Variants in CNBD1 observed in about 807,000 individuals in gnomAD.
CNBD1 encodes cyclic nucleotide binding domain containing 1.
CNBD1 carries 71 observed loss-of-function variants against 54.4 expected under a neutral mutation model. The observed-to-expected ratio is 1.30, with a 90% confidence interval of 1.08 to 1.59. CNBD1 has a LOEUF of 1.59. Among genes scored for constraint, CNBD1 ranks in the 40% most tolerant of loss-of-function variants. The pLI is 0.00. For missense variants in CNBD1, 659 were observed against 518.0 expected, an observed-to-expected ratio of 1.27 and a Z score of -2.64; for synonymous variants, 182 against 170.7, an observed-to-expected ratio of 1.07 and a Z score of -0.51.
chr8:87,011,763 A>G (rs56397116), intron 4 of CNBD1, among the ~76,000 whole-genome samples: 2,303 of 152,264 alleles, frequency 0.015, 49 homozygotes, highest in African/African-American at 0.051. Context: ...ACAGTACACT[A>G]ATTTAAAAAA....
At chr8:87,123,661 A>C (rs1811933569) in intron 4 of CNBD1, among the ~76,000 whole-genome samples, 1 of 151,794 alleles carries the variant, frequency 6.6e-6, no homozygotes, top group East Asian at 1.9e-4. Context: ...AGAAAATAGT[A>C]AAAACCAGAG....
rs539870754 is a variant in CNBD1, at chr8:87,400,264, C to A, written c.214-28282C>A. Among the ~76,000 whole-genome samples the A allele has an allele frequency of 9.2e-4, 140 of 152,050 alleles. 1 individual carries two copies. The highest frequency in any genetic ancestry group is 3.3e-3 in the African/African-American group (137 of 41,524). On this transcript the variant is annotated intron_variant, in intron 2 of 7. Transcript: ENST00000521593. ...TTGCCATTACTTTTAATGGCAATTA[C>A]TTTTGCACCAAACTAATAATTTCTC...
In CNBD1 at chr8:87,255,194, A is replaced by T. The variant is rs895172865; in HGVS notation, c.771+18082A>T. 3.9e-5 allele frequency among the ~76,000 whole-genome samples: 6 copies of T among 152,158 alleles called. No homozygotes were observed. The East Asian group carries it at 9.6e-4, about 24-fold the overall frequency. The stretch of plus-strand genomic sequence containing the variant: ...TCTACCTTATGGATTTGCAAAAAAA[A>T]GTCGACAGAGACAACTTGTGGAAAC... On this transcript the variant is annotated intron_variant, in intron 6 of 10. Transcript: ENST00000518476.
intron 4 of CNBD1, among the ~76,000 whole-genome samples, chr8:86,985,975 G>T (rs1009063676): frequency 2.0e-5 from 3 of 152,174 alleles, no homozygotes; most frequent in Admixed American, 6.5e-5. Flanking sequence ...ATGTTGCCCA[G>T]GCTGGAGTGC....
chr8:87,034,216 A>G (rs563030885), intron 4 of CNBD1, among the ~76,000 whole-genome samples: 15 of 152,316 alleles, frequency 9.8e-5, no homozygotes, highest in Admixed American at 2.0e-4. Flanking sequence ...TTTTAATTGT[A>G]ATAATTTGAC....
intron 4 of CNBD1, among the ~76,000 whole-genome samples, chr8:86,999,110 C>A (rs932286190): frequency 2.6e-5 from 4 of 152,232 alleles, no homozygotes; most frequent in Non-Finnish European, 4.4e-5. Flanking sequence ...TTAATGTCAG[C>A]TTTCGGAAGA....
At chr8:87,306,018 C>G (rs1185835260) in intron 8 of CNBD1, among the ~76,000 whole-genome samples, 2 of 152,060 alleles carry the variant, frequency 1.3e-5, no homozygotes, top group Non-Finnish European at 2.9e-5. Flanking sequence ...TGACAAAGGA[C>G]TAATATCCAG....
At chr8:87,250,286 T>C (rs551904500) in intron 6 of CNBD1, among the ~76,000 whole-genome samples, 1 of 152,252 alleles carries the variant, frequency 6.6e-6, no homozygotes, top group Non-Finnish European at 1.5e-5. Flanking sequence ...GTTATCTCAC[T>C]CCAATTAAAA....
In CNBD1 at chr8:86,897,842, G is replaced by A. The variant is rs769719568; in HGVS notation, c.159-7239G>A. On this transcript the variant is annotated intron_variant, in intron 2 of 10. Coordinates refer to ENST00000518476, the MANE Select transcript of CNBD1 (RefSeq NM_173538.3). The stretch of plus-strand genomic sequence containing the variant: ...TTTATAATTAACTATTACATGCCCA[G>A]TACCCTAAAAGTACCTCTTAGTATT... 4.6e-5 allele frequency among the ~76,000 whole-genome samples: 7 copies of A among 152,024 alleles called. No homozygotes were observed. In the South Asian group the frequency reaches 8.3e-4, roughly 18 times the overall value.
At chr8:87,088,671 C>T (rs969329469) in intron 4 of CNBD1, among the ~76,000 whole-genome samples, 3 of 151,950 alleles carry the variant, frequency 2.0e-5, no homozygotes, top group Non-Finnish European at 4.4e-5. Flanking sequence ...TACTAGTTTT[C>T]TATTACTAAA....
chr8:87,411,897 A>T (rs1189274227), intron 2 of CNBD1, among the ~76,000 whole-genome samples: 2 of 152,012 alleles, frequency 1.3e-5, no homozygotes, highest in Non-Finnish European at 2.9e-5. Context: ...ATTATTGTTT[A>T]AACAGTAAGC....
At chr8:87,029,066 C>T (rs1186769400) in intron 4 of CNBD1, among the ~76,000 whole-genome samples, 1 of 152,162 alleles carries the variant, frequency 6.6e-6, no homozygotes, top group Non-Finnish European at 1.5e-5. Flanking sequence ...TATATTTATT[C>T]TAACTTACTA....
intron 10 of CNBD1, among the ~76,000 whole-genome samples, chr8:87,372,015 G>T (rs1021443043): frequency 7.9e-5 from 12 of 151,884 alleles, no homozygotes; most frequent in Non-Finnish European, 2.9e-5. Flanking sequence ...AGGAAATAAA[G>T]GGTATTCAAT....
At chr8:87,187,762 T>C (rs1008769707) in intron 4 of CNBD1, among the ~76,000 whole-genome samples, 1 of 152,194 alleles carries the variant, frequency 6.6e-6, no homozygotes, top group Non-Finnish European at 1.5e-5. Flanking sequence ...GATCTGGAGT[T>C]GCTAATTACA....
chr8:87,011,898 G>A (rs1353367275), intron 4 of CNBD1, among the ~76,000 whole-genome samples: 1 of 152,120 alleles, frequency 6.6e-6, no homozygotes, highest in African/African-American at 2.4e-5. Context: ...AATAATTTGT[G>A]CTTGAAGGGG....
intron 3 of CNBD1, among the ~76,000 whole-genome samples, chr8:86,933,906 A>G (rs1328545623): frequency 2.0e-5 from 3 of 152,148 alleles, no homozygotes; most frequent in African/African-American, 7.2e-5. Context: ...TCTATTATTT[A>G]TCTGGAATAA....
intron 10 of CNBD1, among the ~76,000 whole-genome samples, chr8:87,358,544 G>A (rs1227134759): frequency 1.3e-5 from 2 of 150,082 alleles, no homozygotes. Context: ...CATTTCACAC[G>A]TTGTATTATA....
intron 4 of CNBD1, among the ~76,000 whole-genome samples, chr8:87,132,308 G>C (rs1277425900): frequency 1.3e-5 from 2 of 151,614 alleles, no homozygotes; most frequent in East Asian, 1.9e-4. Context: ...ATTACTAATT[G>C]TGTTAACATT....
At chr8:87,410,075 A>C (rs1807715996) in intron 2 of CNBD1, among the ~76,000 whole-genome samples, 1 of 152,106 alleles carries the variant, frequency 6.6e-6, no homozygotes, top group Non-Finnish European at 1.5e-5. Flanking sequence ...CATAAATGGA[A>C]CATAAAAGCC....
Sources: allele counts gnomAD v4.1 joint callset (sites outside exome capture counted in the v4.1 genomes callset), GRCh38; gene constraint gnomAD v4.1.1; transcripts MANE v1.5; gene names NCBI Gene and HGNC (gene_info 2026-07-23, HGNC 2026-07-21).